Variants in SKAP2 observed in about 807,000 individuals in gnomAD.
The protein encoded by SKAP2 is src kinase associated phosphoprotein 2, also known as src kinase-associated phosphoprotein 2.
Under a neutral mutation model 54.9 loss-of-function variants are expected in SKAP2, and 28 were observed. That is an observed-to-expected ratio of 0.51 (90% confidence interval 0.38 to 0.70). The LOEUF (loss-of-function observed/expected upper bound fraction) is 0.70. Ranked by LOEUF, SKAP2 falls within the 30% of genes least tolerant of loss-of-function variation. SKAP2 has a pLI of 0.00. For synonymous variants in SKAP2, 137 were observed against 134.3 expected (o/e 1.02, Z -0.14); for missense variants, 356 against 424.1 (o/e 0.84, Z 1.41).
intron 9 of SKAP2, among the ~76,000 whole-genome samples, chr7:26,718,588 C>T (rs1206119186): frequency 1.3e-5 from 2 of 151,882 alleles, no homozygotes; most frequent in Non-Finnish European, 2.9e-5. Flanking sequence ...TCGATCTCAC[C>T]TCCACCTCCC....
At chr7:26,681,878 T>C (rs1786510230) in intron 11 of SKAP2, among the ~76,000 whole-genome samples, 1 of 152,218 alleles carries the variant, frequency 6.6e-6, no homozygotes, top group Non-Finnish European at 1.5e-5. Flanking sequence ...TTAATGCTAA[T>C]ATTTTATTGA....
chr7:26,657,447 T>C, the SKAP2 span, among the ~76,000 whole-genome samples: 1 of 152,200 alleles, frequency 6.6e-6, no homozygotes, highest in South Asian at 2.1e-4. Context: ...TATAGCATCA[T>C]TCCCCTCTTG....
chr7:26,756,808 T>G (rs986716701), intron 4 of SKAP2, among the ~76,000 whole-genome samples: 11 of 152,168 alleles, frequency 7.2e-5, no homozygotes, highest in Admixed American at 2.6e-4. Flanking sequence ...AGTGTAAAAG[T>G]GTTCCTATTT....
chr7:26,798,551 C>T (rs1783835088), intron 4 of SKAP2, among the ~76,000 whole-genome samples: 1 of 151,972 alleles, frequency 6.6e-6, no homozygotes, highest in Admixed American at 6.6e-5. Flanking sequence ...CATTAATGAG[C>T]AATAAGTAAT....
intron 9 of SKAP2, among the ~76,000 whole-genome samples, chr7:26,693,227 G>T (rs964016405): frequency 1.3e-5 from 2 of 151,556 alleles, no homozygotes; most frequent in African/African-American, 4.9e-5. Flanking sequence ...AGCTACTCAG[G>T]AGACTGAGGA....
chr7:26,843,958 A>G lies in SKAP2; in HGVS notation c.307+72T>C, dbSNP rs539022973. 3.4e-5 allele frequency: 32 copies of G among 954,328 alleles called. No individual in the cohort carries two copies. In the African/African-American group the frequency reaches 4.6e-4, roughly 14 times the overall value. 59.1% of individuals were successfully genotyped at this position (954,328 alleles called of 1,614,324 possible). On this transcript the variant is annotated intron_variant, in intron 4 of 12. Transcript: ENST00000345317. ...AGCCTCTATGTTCATCTGCTTTCTCATAAAACTACCACCCATATATATAGC... is the reference window on the plus strand; with the variant it reads ...AGCCTCTATGTTCATCTGCTTTCTCGTAAAACTACCACCCATATATATAGC...
At chr7:26,721,527 G>A (rs1787576517) in intron 9 of SKAP2, among the ~76,000 whole-genome samples, 1 of 151,860 alleles carries the variant, frequency 6.6e-6, no homozygotes. Context: ...AGTTCAATCT[G>A]TCATTGTAAT....
chr7:26,831,005 T>G (rs1784583588), intron 4 of SKAP2, among the ~76,000 whole-genome samples: 1 of 152,194 alleles, frequency 6.6e-6, no homozygotes, highest in African/African-American at 2.4e-5. Flanking sequence ...TGAATGAGAA[T>G]TATGAGGTTT....
intron 11 of SKAP2, among the ~76,000 whole-genome samples, chr7:26,677,640 T>G (rs1053785504): frequency 8.5e-5 from 13 of 152,336 alleles, no homozygotes; most frequent in African/African-American, 3.1e-4. Flanking sequence ...CTCCAGTATT[T>G]ACTGACTTCC....
intron 1 of SKAP2, among the ~76,000 whole-genome samples, chr7:26,862,532 A>G (rs920223110): frequency 2.0e-5 from 3 of 152,100 alleles, no homozygotes; most frequent in Admixed American, 1.3e-4. Context: ...TGTCAATAAA[A>G]TGACTTAAAA....
At chr7:26,768,594 A>T (rs1584378774) in intron 4 of SKAP2, among the ~76,000 whole-genome samples, 1 of 152,224 alleles carries the variant, frequency 6.6e-6, no homozygotes, top group East Asian at 1.9e-4. Flanking sequence ...AGTGGCTGGT[A>T]CTGGTTTTTC....
Position 26,683,283 on chromosome 7 carries a change from C to G in SKAP2, c.987+1453G>C, listed in dbSNP as rs148670746. Among the ~76,000 whole-genome samples the G allele has an allele frequency of 5.6e-3, 855 of 152,252 alleles. 6 individuals carry two copies. Among genetic ancestry groups the G allele is most frequent in the African/African-American group, 0.02 (816 of 41,546 alleles). On this transcript the variant is annotated intron_variant, in intron 11 of 12. Transcript: ENST00000345317. ...AAAAAGCTGTTATCTTAACTCAGGA[C>G]AATTTAATGCTTAATAACAGGCTTA...
intron 4 of SKAP2, among the ~76,000 whole-genome samples, chr7:26,796,858 G>A (rs1354747970): frequency 1.3e-5 from 2 of 152,124 alleles, no homozygotes; most frequent in African/African-American, 2.4e-5. Flanking sequence ...AGTTATATGT[G>A]GATTTTCAAA....
chr7:26,851,397 T>C (rs2030136), intron 3 of SKAP2, among the ~76,000 whole-genome samples: 32,319 of 151,876 alleles, frequency 0.21, 3,531 homozygotes, highest in Non-Finnish European at 0.24. Flanking sequence ...TGAGCCAAGA[T>C]GGTGCCGCTA....
chr7:26,832,287 C>T (rs1430746053), intron 4 of SKAP2, among the ~76,000 whole-genome samples: 1 of 152,172 alleles, frequency 6.6e-6, no homozygotes, highest in Non-Finnish European at 1.5e-5. Flanking sequence ...CTTATAGCAT[C>T]TTGGTTCTTC....
At position 26,690,305 on chromosome 7, in the gene SKAP2, T is replaced by TCCTGACTCATCC. The variant is rs1211035432; in HGVS notation, c.853_854insGGATGAGTCAGG (p.Gln284_Asp285insGlyMetSerGln). 6.2e-7 allele frequency: 1 copy of TCCTGACTCATCC among 1,611,104 alleles called. No individual in the cohort carries two copies. The highest frequency in any genetic ancestry group is 8.5e-7 in the Non-Finnish European group (1 of 1,177,434). On this transcript the variant is annotated inframe_insertion, in exon 10 of 13. Coordinates refer to ENST00000345317, the MANE Select transcript of SKAP2 (RefSeq NM_003930.5). ...ATTACCTGAGGTGTGATGGACACTA[T>TCCTGACTCATCC]CCTGACTCATCTTCCTTTGTTCTTC...
chr7:26,718,315 A>G (rs934971692), intron 9 of SKAP2, among the ~76,000 whole-genome samples: 1 of 152,042 alleles, frequency 6.6e-6, no homozygotes, highest in African/African-American at 2.4e-5. Context: ...AAGAAAATGA[A>G]AGGAAGAAAA....
At chr7:26,799,139 G>GCAAGGCAAGA (rs1208018091) in intron 4 of SKAP2, among the ~76,000 whole-genome samples, 2 of 131,378 alleles carry the variant, frequency 1.5e-5, no homozygotes, top group Non-Finnish European at 3.4e-5. Flanking sequence ...GCAAGGCAAG[G>GCAAGGCAAGA]CAAGGCAAGA....
intron 4 of SKAP2, among the ~76,000 whole-genome samples, chr7:26,796,779 CTG>C (rs1783790498): frequency 6.6e-6 from 1 of 152,088 alleles, no homozygotes; most frequent in Non-Finnish European, 1.5e-5. Context: ...TGTTAATCAA[CTG>C]TTTATGTTGT....
Sources: allele counts gnomAD v4.1 joint callset (sites outside exome capture counted in the v4.1 genomes callset), GRCh38; gene constraint gnomAD v4.1.1; transcripts MANE v1.5; gene names NCBI Gene and HGNC (gene_info 2026-07-23, HGNC 2026-07-21).